The following DHX32 variants were observed in gnomAD, a reference collection of about 807,000 sequenced individuals.
DHX32 encodes DEAH-box helicase 32 (putative).
A neutral mutation model predicts 70.0 loss-of-function variants in DHX32; 51 were observed. The ratio of observed to expected loss-of-function variants is 0.73; its 90% CI spans 0.58 to 0.92. The LOEUF is 0.92. Among genes scored for constraint, DHX32 ranks in the 40% least tolerant of loss-of-function variants. The probability of loss-of-function intolerance (pLI) is 0.00; values close to 1 mark genes in which losing one functional copy is unlikely to be tolerated. For synonymous variants in DHX32, 310 were observed against 315.3 expected, an observed-to-expected ratio of 0.98 and a Z score of 0.18; for missense variants, 762 against 891.8, an observed-to-expected ratio of 0.85 and a Z score of 1.85.
chr10:125,843,917 A>G (rs1854945110), intron 6 of DHX32, among the ~76,000 whole-genome samples: 1 of 152,208 alleles, frequency 6.6e-6, no homozygotes. Context: ...CAAGGCTTTC[A>G]TCCTTACCTT....
upstream of DHX32, among the ~76,000 whole-genome samples, chr10:125,882,465 T>TA (rs555685117): frequency 3.2e-3 from 485 of 152,150 alleles, 4 homozygotes; most frequent in Admixed American, 3.9e-3. Flanking sequence ...ATTTGCTGAG[T>TA]GTCTTCTAAG....
chr10:125,864,919 G>C (rs1944210170), intron 2 of DHX32, among the ~76,000 whole-genome samples: 2 of 92,650 alleles, frequency 2.2e-5, no homozygotes, highest in African/African-American at 8.0e-5. Flanking sequence ...GACAGAGTGG[G>C]ACTCTGTCTC....
intron 6 of DHX32, among the ~76,000 whole-genome samples, chr10:125,851,805 C>T (rs1270721866): frequency 1.3e-5 from 2 of 151,326 alleles, no homozygotes; most frequent in Non-Finnish European, 2.9e-5. Flanking sequence ...CCTGTGGTCC[C>T]AGCTATTTGG....
At chr10:125,854,497 C>T in intron 3 of DHX32, 1 of 243,680 alleles carries the variant, frequency 4.1e-6, no homozygotes, top group Non-Finnish European at 7.9e-6. Flanking sequence ...TTTTACAGCT[C>T]AATTCCATTC....
intron 7 of DHX32, 162 bp from the exon 8 acceptor site, chr10:125,841,158 A>G: frequency 7.2e-7 from 1 of 1,388,738 alleles, no homozygotes; most frequent in Non-Finnish European, 9.9e-7. Flanking sequence ...AGAAATTTAG[A>G]GTGAGTCATC....
At chr10:125,842,125 CCT>C (rs1196033122) in intron 6 of DHX32, 191 bp from the exon 7 acceptor site, 4 of 734,158 alleles carry the variant, frequency 5.4e-6, no homozygotes, top group African/African-American at 3.7e-5. Context: ...GGAGGGGAGC[CCT>C]GTGATTGTCC....
At chr10:125,889,560 G>A (rs1452786805) in intron 1 of DHX32, among the ~76,000 whole-genome samples, 21 of 152,288 alleles carry the variant, frequency 1.4e-4, no homozygotes, top group Non-Finnish European at 7.3e-5. Context: ...AAGAGGTCTT[G>A]CTATTTTTAA....
intron 1 of DHX32, among the ~76,000 whole-genome samples, chr10:125,887,639 G>GTT (rs559463047): frequency 6.6e-5 from 10 of 150,728 alleles, no homozygotes; most frequent in African/African-American, 2.4e-4. Flanking sequence ...TTGTGTGTGT[G>GTT]TTTTTTTTTA....
At chr10:125,869,149 A>G (rs1476518233) in intron 1 of DHX32, 3 of 152,208 alleles carry the variant, frequency 2.0e-5, no homozygotes, top group South Asian at 4.1e-4. Context: ...CTTAGCAAGT[A>G]ATTTTTTATT....
At chr10:125,860,880 GT>G (rs1944183440) in intron 2 of DHX32, among the ~76,000 whole-genome samples, 1 of 147,652 alleles carries the variant, frequency 6.8e-6, no homozygotes, top group Non-Finnish European at 1.5e-5. Context: ...AGCCTCCAGA[GT>G]AGCTGGGACT....
In DHX32 at chr10:125,836,697, G is replaced by T. The variant is rs374910849; in HGVS notation, c.2222C>A (p.Thr741Asn). 5.0e-6 allele frequency: 8 copies of T among 1,614,014 alleles called. No individual in the cohort carries two copies. The African/African-American group carries it at 1.1e-4, about 22-fold the overall frequency. Residue 741 changes from threonine (T) to asparagine (N), a missense_variant, in exon 11 of 11, where the codon ACT (threonine) becomes AAT (asparagine). Physicochemically the swap from Thr to Asn is moderately conservative, Grantham distance 65. Coordinates refer to ENST00000284690, the MANE Select transcript of DHX32 (RefSeq NM_018180.3). ...GTGTTTGCTGGGGAGTCACTGGAGAGTGCATCTCTGTTCAGTTTCAGGGCA... is the reference window on the plus strand; with the variant it reads ...GTGTTTGCTGGGGAGTCACTGGAGATTGCATCTCTGTTCAGTTTCAGGGCA... ...ETCPETEQRC[T>N]LQ
At chr10:125,884,710 G>C (rs1023422291), upstream of DHX32, among the ~76,000 whole-genome samples, 1 of 152,152 alleles carries the variant, frequency 6.6e-6, no homozygotes, top group African/African-American at 2.4e-5. Flanking sequence ...GACAAAGTTT[G>C]TAAGGCATTA....
chr10:125,871,070 G>A (rs966148216), intron 1 of DHX32, among the ~76,000 whole-genome samples: 1 of 152,188 alleles, frequency 6.6e-6, no homozygotes, highest in Non-Finnish European at 1.5e-5. Context: ...CAATGATCAT[G>A]AGCCATGTTC....
chr10:125,851,343 GT>G (rs1944086869), intron 6 of DHX32, among the ~76,000 whole-genome samples: 1 of 152,186 alleles, frequency 6.6e-6, no homozygotes, highest in African/African-American at 2.4e-5. Flanking sequence ...TTGTCCCCCA[GT>G]TATCAGCTTT....
At chr10:125,841,686 A>C (rs551136425) in intron 7 of DHX32, 57 bp downstream of exon 7, 1 of 1,577,028 alleles carries the variant, frequency 6.3e-7, no homozygotes, top group Admixed American at 2.1e-5. Context: ...GATCCGATCT[A>C]AATCTATACC....
chr10:125,874,755 T>C (rs1944274766), intron 1 of DHX32, among the ~76,000 whole-genome samples: 2 of 152,162 alleles, frequency 1.3e-5, no homozygotes, highest in Admixed American at 1.3e-4. Context: ...TACAAACTCA[T>C]GGTTTTTAAG....
At chr10:125,889,171 A>C (rs558232356) in intron 1 of DHX32, among the ~76,000 whole-genome samples, 1 of 152,236 alleles carries the variant, frequency 6.6e-6, no homozygotes, top group Non-Finnish European at 1.5e-5. Context: ...CACTCACTGC[A>C]TATATTCAAC....
At chr10:125,852,669 G>T in intron 4 of DHX32, 27 bp from the exon 5 acceptor site, 1 of 1,578,664 alleles carries the variant, frequency 6.3e-7, no homozygotes. Context: ...AGCATCATTA[G>T]CGTCAGATAA....
chr10:125,852,417 G>GTACATGACA lies in DHX32; in HGVS notation c.1226_1227insTGTCATGTA (p.Ala409_Ser410insValMetTyr). On this transcript the variant is annotated inframe_insertion, in exon 6 of 11. Coordinates refer to ENST00000284690, the MANE Select transcript of DHX32 (RefSeq NM_018180.3). ...GCTTCAGTGGCGTCATGTCTTTGGAGGCAAATTCTTCAGTGTACAGGCAGA... is the reference window on the plus strand; with the variant it reads ...GCTTCAGTGGCGTCATGTCTTTGGAGTACATGACAGCAAATTCTTCAGTGTACAGGCAGA... 1 of 1,614,148 alleles carries GTACATGACA rather than the reference G, an allele frequency of 6.2e-7. No individual in the cohort carries two copies. Among genetic ancestry groups the GTACATGACA allele is most frequent in the Non-Finnish European group, 8.5e-7 (1 of 1,180,040 alleles).
Sources: gnomAD v4.1 joint callset for allele counts (sites outside exome capture counted in the v4.1 genomes callset) on GRCh38, gnomAD v4.1.1 for gene constraint, MANE v1.5 for transcripts, NCBI Gene and HGNC (gene_info 2026-07-23, HGNC 2026-07-21) for gene names.